The following RASGEF1A variants were observed in gnomAD, a reference collection of about 807,000 sequenced individuals.
RASGEF1A encodes RasGEF domain family member 1A.
Under a neutral mutation model 56.4 loss-of-function variants are expected in RASGEF1A, and 18 were observed. That is an observed-to-expected ratio of 0.32 (90% CI 0.22 to 0.47). RASGEF1A has a LOEUF of 0.47. Ranked by LOEUF, RASGEF1A falls within the 20% of genes least tolerant of loss-of-function variation. The pLI is 1.00. For synonymous variants in RASGEF1A, 245 were observed against 242.6 expected (o/e 1.01, Z -0.09); for missense variants, 422 against 627.1 (o/e 0.67, Z 3.49).
chr10:43,219,249 G>A (rs558942708), intron 1 of RASGEF1A, among the ~76,000 whole-genome samples: 2 of 152,364 alleles, frequency 1.3e-5, no homozygotes, highest in African/African-American at 4.8e-5. Flanking sequence ...GCCTCCTGTA[G>A]ATGGGTGGGC....
rs963282492 is a variant in RASGEF1A, at chr10:43,267,037, G to GCGAGCGAGCGAA, written c.-211_-200dup. 5.3e-5 allele frequency: 8 copies of GCGAGCGAGCGAA among 149,692 alleles called. No individual in the cohort carries two copies. The highest frequency in any genetic ancestry group is 1.9e-4 in the African/African-American group (8 of 41,138). The allele number at this position is 149,692 out of a possible 1,614,324, so 9.3% of individuals were successfully genotyped here. A position where few individuals can be genotyped will look rare whatever the true frequency, so the allele number is the denominator to read the frequency against. ...CCGCAGCCGGCGCCGGGGAGCGCGAGCGAGCGAGCGAACGAGCGAGCGCGG... is the reference window on the plus strand; with the variant it reads ...CCGCAGCCGGCGCCGGGGAGCGCGAGCGAGCGAGCGAACGAGCGAGCGAACGAGCGAGCGCGG... On this transcript the variant is annotated 5_prime_UTR_variant, in exon 1 of 13. Coordinates refer to ENST00000395810, the MANE Select transcript of RASGEF1A (RefSeq NM_145313.4).
intron 1 of RASGEF1A, among the ~76,000 whole-genome samples, chr10:43,250,950 G>A (rs1840621799): frequency 6.6e-6 from 1 of 152,226 alleles, no homozygotes; most frequent in South Asian, 2.1e-4. Flanking sequence ...GCAGGCAGGA[G>A]CTGCCCAGGG....
rs201224561 is a variant in RASGEF1A at position 43,206,012 on chromosome 10, G to A, written c.105C>T (p.Ser35=). Residue 35 remains serine, a synonymous_variant, in exon 2 of 13, where the codon TCC becomes TCT. Transcript: ENST00000395810. The part of the protein sequence containing the change: ...GERGGGAGGG[S]GDLIFQDGHL... ...GTCCATCTTGGAAGATGAGGTCCCC[G>A]GAGCCGCCACCGGCCCCGCCTCCAC... is the stretch of plus-strand genomic sequence containing the variant. 2.6e-5 allele frequency: 42 copies of A among 1,610,610 alleles called. No individual in the cohort carries two copies. Among genetic ancestry groups the A allele is most frequent in the Non-Finnish European group, 3.4e-5 (40 of 1,179,082 alleles).
At chr10:43,229,527 G>T in intron 1 of RASGEF1A, 1 of 919,454 alleles carries the variant, frequency 1.1e-6, no homozygotes, top group Non-Finnish European at 1.6e-6. Context: ...CCTCAGGGCG[G>T]GCACCCTCCC....
At chr10:43,218,591 C>T (rs1236712374) in intron 1 of RASGEF1A, among the ~76,000 whole-genome samples, 3 of 152,250 alleles carry the variant, frequency 2.0e-5, no homozygotes, top group Non-Finnish European at 2.9e-5. Flanking sequence ...CTCCATCCTC[C>T]AGGCCAGGCA....
In RASGEF1A at chr10:43,206,223, G is replaced by T. The variant is rs536893431; in HGVS notation, c.-6-101C>A. Reference sequence around the variant, plus strand: ...GCAGCGTGCATGCATGTGTGCAGGGGTGCGTGGCAGGGGCGCAGCGGCACT... The same window carrying T: ...GCAGCGTGCATGCATGTGTGCAGGGTTGCGTGGCAGGGGCGCAGCGGCACT... On this transcript the variant is annotated intron_variant, in intron 1 of 12. Transcript: ENST00000395810. The T allele has an allele frequency of 4.0e-6, 4 of 1,010,726 alleles. No individual in the cohort carries two copies. In the Admixed American group the frequency reaches 9.5e-5, roughly 24 times the overall value. The allele number at this position is 1,010,726 out of a possible 1,614,324, so 62.6% of individuals were successfully genotyped here. A position where few individuals can be genotyped will look rare whatever the true frequency, so the allele number is the denominator to read the frequency against.
At chr10:43,232,259 T>A (rs533088876) in intron 1 of RASGEF1A, among the ~76,000 whole-genome samples, 11 of 152,298 alleles carry the variant, frequency 7.2e-5, no homozygotes, top group Admixed American at 7.2e-4. Flanking sequence ...CTCCTGTTAG[T>A]GAGTGAGTGA....
At chr10:43,237,100 T>A (rs528358642) in intron 1 of RASGEF1A, among the ~76,000 whole-genome samples, 53 of 152,080 alleles carry the variant, frequency 3.5e-4, no homozygotes, top group Admixed American at 2.0e-3. Context: ...CAGGCTAACC[T>A]TGCAGGGAAT....
Position 43,196,143 on chromosome 10 carries a change from G to T in RASGEF1A, c.*101C>A. Reference sequence around the variant, plus strand: ...TTCTCATAAAAGTTATATACAAAATGGACCCCAACCAGTGAGGCCTCCTCA... The same window carrying T: ...TTCTCATAAAAGTTATATACAAAATTGACCCCAACCAGTGAGGCCTCCTCA... On this transcript the variant is annotated 3_prime_UTR_variant, in exon 13 of 13. Coordinates refer to ENST00000395810, the MANE Select transcript of RASGEF1A (RefSeq NM_145313.4). This position sits in a 1 kb window ranked among gnomAD's most constrained non-coding sequence, Gnocchi z 4.6. The T allele has an allele frequency of 1.9e-6, 2 of 1,077,764 alleles. No homozygotes were observed. Among genetic ancestry groups the T allele is most frequent in the South Asian group, 3.0e-5 (2 of 66,602 alleles). 66.8% of individuals were successfully genotyped at this position (1,077,764 alleles called of 1,614,324 possible).
At chr10:43,212,863 TCA>T (rs999800839) in intron 1 of RASGEF1A, among the ~76,000 whole-genome samples, 99 of 152,164 alleles carry the variant, frequency 6.5e-4, no homozygotes, top group African/African-American at 2.2e-3. Flanking sequence ...CCCACAACAC[TCA>T]CACACACAGG....
intron 1 of RASGEF1A, chr10:43,207,547 T>A (rs557259358): frequency 2.0e-6 from 2 of 985,448 alleles, no homozygotes; most frequent in African/African-American, 3.5e-5. Flanking sequence ...TCTTAGAAAG[T>A]CTTTGGCAAG....
At position 43,195,648 on chromosome 10, in the gene RASGEF1A, T is replaced by G. The variant is rs1278282693; in HGVS notation, c.*596A>C. Reference sequence around the variant, plus strand: ...AATCCCTGAAAGGAAAATGAAAATGTAAACTTTGGACAGCCCGTACTCAAA... The same window carrying G: ...AATCCCTGAAAGGAAAATGAAAATGGAAACTTTGGACAGCCCGTACTCAAA... On this transcript the variant is annotated 3_prime_UTR_variant, in exon 13 of 13. Coordinates refer to ENST00000395810, the MANE Select transcript of RASGEF1A (RefSeq NM_145313.4). This position sits in a 1 kb window ranked among gnomAD's most constrained non-coding sequence, Gnocchi z 4.2. The G allele has an allele frequency of 6.6e-6, 1 of 152,592 alleles. No homozygotes were observed. The highest frequency in any genetic ancestry group is 1.5e-5 in the Non-Finnish European group (1 of 68,068). The allele number at this position is 152,592 out of a possible 1,614,324, so 9.5% of individuals were successfully genotyped here.
rs141751787 is a variant in RASGEF1A, at chr10:43,226,565, C to T, written c.-6-20443G>A. Among the ~76,000 whole-genome samples, 5 of 152,252 alleles carry T rather than the reference C, an allele frequency of 3.3e-5. No homozygotes were observed. In the East Asian group the frequency reaches 5.8e-4, roughly 18 times the overall value. On this transcript the variant is annotated intron_variant, in intron 1 of 12. Coordinates refer to ENST00000395810, the MANE Select transcript of RASGEF1A (RefSeq NM_145313.4). The stretch of plus-strand genomic sequence containing the variant: ...CCCCGGGTTCCCTCAGGAGCCCCCA[C>T]GCCTCGTGTCCCATCTGCCTCTGAA...
rs114019922 is a variant in RASGEF1A, at chr10:43,199,312, G to A, written c.850-118C>T. The A allele has an allele frequency of 6.2e-4, 483 of 777,982 alleles. 1 individual carries two copies. The African/African-American group carries it at 7.4e-3, about 12-fold the overall frequency. The allele number at this position is 777,982 out of a possible 1,614,324, so 48.2% of individuals were successfully genotyped here. A position where few individuals can be genotyped will look rare whatever the true frequency, so the allele number is the denominator to read the frequency against. On this transcript the variant is annotated intron_variant, in intron 7 of 12. Coordinates refer to ENST00000395810, the MANE Select transcript of RASGEF1A (RefSeq NM_145313.4). ...TCGGGACTTAGCTTCTGGCCACAGC[G>A]GGCTGATCCAGGTCCATGGCTGCGT...
rs535688935 is a variant in RASGEF1A at position 43,194,818 on chromosome 10, T to C, written c.*1426A>G. On this transcript the variant is annotated 3_prime_UTR_variant, in exon 13 of 13. Coordinates refer to ENST00000395810, the MANE Select transcript of RASGEF1A (RefSeq NM_145313.4). ...TTAAGCCTTTCTCATCTCAAAGACATAAACAAAGCAATATGTACTATCAAT... is the reference window on the plus strand; with the variant it reads ...TTAAGCCTTTCTCATCTCAAAGACACAAACAAAGCAATATGTACTATCAAT... 2.0e-5 allele frequency: 3 copies of C among 152,610 alleles called. No homozygotes were observed. The highest frequency in any genetic ancestry group is 4.8e-5 in the African/African-American group (2 of 41,446). The allele number at this position is 152,610 out of a possible 1,614,324, so 9.5% of individuals were successfully genotyped here.
At chr10:43,265,552 T>C (rs886282907) in intron 1 of RASGEF1A, among the ~76,000 whole-genome samples, 1 of 152,234 alleles carries the variant, frequency 6.6e-6, no homozygotes, top group Non-Finnish European at 1.5e-5. Context: ...AGGTCCTCCA[T>C]GTCCCCCTGC....
At chr10:43,260,771 G>A (rs554308267) in intron 1 of RASGEF1A, among the ~76,000 whole-genome samples, 3 of 152,296 alleles carry the variant, frequency 2.0e-5, no homozygotes, top group East Asian at 1.9e-4. Flanking sequence ...AGCCCTCGAC[G>A]GCCGTGATCC....
chr10:43,242,681 C>T (rs933826142), intron 1 of RASGEF1A, among the ~76,000 whole-genome samples: 12 of 152,084 alleles, frequency 7.9e-5, no homozygotes, highest in African/African-American at 1.4e-4. Context: ...TCCAGGCACG[C>T]GCCGCCACTC....
At chr10:43,207,553 G>A in intron 1 of RASGEF1A, 1 of 985,474 alleles carries the variant, frequency 1.0e-6, no homozygotes, top group Non-Finnish European at 1.2e-6. Context: ...AAAGTCTTTG[G>A]CAAGGAGAGC....
Sources: allele counts gnomAD v4.1 joint callset (sites outside exome capture counted in the v4.1 genomes callset), GRCh38; gene constraint gnomAD v4.1.1; non-coding constraint Gnocchi (gnomAD v3.1); transcripts MANE v1.5; gene names NCBI Gene and HGNC (gene_info 2026-07-23, HGNC 2026-07-21).